The following ADIPOQ variants were observed in gnomAD, a reference collection of about 807,000 sequenced individuals.
The protein encoded by ADIPOQ is adiponectin, C1Q and collagen domain containing, also known as adiponectin.
ADIPOQ carries 19 observed loss-of-function variants against 16.1 expected under a neutral mutation model. The ratio of observed to expected loss-of-function variants is 1.18; its 90% CI spans 0.82 to 1.73. The LOEUF (loss-of-function observed/expected upper bound fraction) is 1.73. Among genes scored for constraint, ADIPOQ ranks in the 40% most tolerant of loss-of-function variants. The pLI is 0.00. For synonymous variants in ADIPOQ, 124 were observed against 125.5 expected, an observed-to-expected ratio of 0.99 and a Z score of 0.08; for missense variants, 323 against 308.3, an observed-to-expected ratio of 1.05 and a Z score of -0.36.
At chr3:186,854,090 G>A in intron 2 of ADIPOQ, 94 bp from the exon 3 acceptor site, 2 of 1,365,828 alleles carry the variant, frequency 1.5e-6, no homozygotes, top group South Asian at 1.4e-5. Context: ...CAAGAAGGTT[G>A]TGAGTGGGAG....
At position 186,856,699 on chromosome 3, in the gene ADIPOQ, C is replaced by T. The variant is rs1334583212; in HGVS notation, c.*1995C>T. On this transcript the variant is annotated 3_prime_UTR_variant, in exon 3 of 3. Transcript: ENST00000320741. Reference sequence around the variant, plus strand: ...ACTCCTGACCTTGTGATCTGCCCGCCTCCATTTTTGTTGTTATTTTTTGAG... The same window carrying T: ...ACTCCTGACCTTGTGATCTGCCCGCTTCCATTTTTGTTGTTATTTTTTGAG... The T allele has an allele frequency of 6.6e-6, 1 of 152,100 alleles. No individual in the cohort carries two copies. The highest frequency in any genetic ancestry group is 2.4e-5 in the African/African-American group (1 of 41,406). The allele number at this position is 152,100 out of a possible 1,614,324, so 9.4% of individuals were successfully genotyped here. A position where few individuals can be genotyped will look rare whatever the true frequency, so the allele number is the denominator to read the frequency against.
rs1501298 is a variant in ADIPOQ, at chr3:186,854,853, G to A, written c.*149G>A. 1,170,169 of 1,174,186 alleles carry A rather than the reference G, an allele frequency of 1. 583,189 individuals are homozygous for A. The highest frequency in any genetic ancestry group is 1 in the East Asian group (41,984 of 41,984). The allele number at this position is 1,174,186 out of a possible 1,614,324, so 72.7% of individuals were successfully genotyped here. A position where few individuals can be genotyped will look rare whatever the true frequency, so the allele number is the denominator to read the frequency against. On this transcript the variant is annotated 3_prime_UTR_variant, in exon 3 of 3. Coordinates refer to ENST00000320741, the MANE Select transcript of ADIPOQ (RefSeq NM_004797.4). ...TCATTCATTTATTCATTCATTCATC[G>A]AGTAACTTTAAAAAAATCATATGCT...
At chr3:186,843,059 G>C (rs1334132899) in intron 1 of ADIPOQ, among the ~76,000 whole-genome samples, 1 of 152,226 alleles carries the variant, frequency 6.6e-6, no homozygotes, top group Non-Finnish European at 1.5e-5. Flanking sequence ...GGAAGGGTCT[G>C]TCCACAGATG....
In ADIPOQ at chr3:186,855,518, G is replaced by A. The variant is rs200900839; in HGVS notation, c.*814G>A. The A allele has an allele frequency of 6.6e-6, 1 of 150,528 alleles. No individual in the cohort carries two copies. The highest frequency in any genetic ancestry group is 2.5e-5 in the African/African-American group (1 of 40,776). The allele number at this position is 150,528 out of a possible 1,614,324, so 9.3% of individuals were successfully genotyped here. ...CACCCAGGCTGGAGTACAGTGACACGACCTCGGCTCACTGCAGCCTCCTTC... is the reference window on the plus strand; with the variant it reads ...CACCCAGGCTGGAGTACAGTGACACAACCTCGGCTCACTGCAGCCTCCTTC... On this transcript the variant is annotated 3_prime_UTR_variant, in exon 3 of 3. Transcript: ENST00000320741.
chr3:186,854,166 G>A lies in ADIPOQ; in HGVS notation c.215-18G>A. 1 of 1,611,086 alleles carries A rather than the reference G, an allele frequency of 6.2e-7. No individual in the cohort carries two copies. The highest frequency in any genetic ancestry group is 2.2e-5 in the East Asian group (1 of 44,808). ...GAGTTCTGTTCTTTGTAGTCACTGA[G>A]GTCTTCTCATTCCTTAGGTCTTATT... On this transcript the variant is annotated intron_variant, in intron 2 of 2. Coordinates refer to ENST00000320741, the MANE Select transcript of ADIPOQ (RefSeq NM_004797.4).
At chr3:186,843,676 A>AG (rs397956338) in intron 1 of ADIPOQ, among the ~76,000 whole-genome samples, 4 of 148,322 alleles carry the variant, frequency 2.7e-5, no homozygotes, top group African/African-American at 9.8e-5. Flanking sequence ...AAAAAAAAAA[A>AG]GAAAGAAAAG....
chr3:186,853,633 C>T, intron 2 of ADIPOQ: 1 of 307,106 alleles, frequency 3.3e-6, no homozygotes, highest in Non-Finnish European at 6.2e-6. Context: ...AGGCTCAGTC[C>T]TGCCTTTGGG....
chr3:186,855,646 G>A lies in ADIPOQ; in HGVS notation c.*942G>A, dbSNP rs6796106. ...ATTTTTGTATTTTTAGTAGAAATGGGGTTTCGTCATGTTGGCCAGGCTGGT... is the reference window on the plus strand; with the variant it reads ...ATTTTTGTATTTTTAGTAGAAATGGAGTTTCGTCATGTTGGCCAGGCTGGT... On this transcript the variant is annotated 3_prime_UTR_variant, in exon 3 of 3. Transcript: ENST00000320741. 0.064 allele frequency: 9,739 copies of A among 152,178 alleles called. 904 individuals are homozygous for A. The highest frequency in any genetic ancestry group is 0.21 in the African/African-American group (8,671 of 41,470). The allele number at this position is 152,178 out of a possible 1,614,324, so 9.4% of individuals were successfully genotyped here. A position where few individuals can be genotyped will look rare whatever the true frequency, so the allele number is the denominator to read the frequency against.
chr3:186,854,237 G>A lies in ADIPOQ; in HGVS notation c.268G>A (p.Gly90Ser), dbSNP rs62625753. ...TGAAACCGGAGTACCCGGGGCTGAA[G>A]GTCCCCGAGGCTTTCCGGGAATCCA... ...IGETGVPGAE[G>S]PRGFPGIQGR... Residue 90 changes from glycine to serine, a missense_variant, in exon 3 of 3, where the codon GGT becomes AGT. Coordinates refer to ENST00000320741, the MANE Select transcript of ADIPOQ (RefSeq NM_004797.4). 5,110 of 1,613,664 alleles carry A rather than the reference G, an allele frequency of 3.2e-3. 17 individuals carry two copies. The highest frequency in any genetic ancestry group is 0.011 in the Middle Eastern group (66 of 6,054).
chr3:186,842,806 G>A, intron 1 of ADIPOQ, 57 bp downstream of exon 1: 1 of 152,678 alleles, frequency 6.5e-6, no homozygotes, highest in East Asian at 1.9e-4. Context: ...ATAGCCTCTG[G>A]CTGGGATCAC....
At chr3:186,847,660 G>A (rs1386548371) in intron 1 of ADIPOQ, among the ~76,000 whole-genome samples, 1 of 152,060 alleles carries the variant, frequency 6.6e-6, no homozygotes, top group African/African-American at 2.4e-5. Context: ...GCAGATTCCT[G>A]AGTCACTAAA....
chr3:186,857,342 G>A lies in ADIPOQ; in HGVS notation c.*2638G>A, dbSNP rs1421450973. 6.6e-6 allele frequency: 1 copy of A among 152,240 alleles called. No homozygotes were observed. The highest frequency in any genetic ancestry group is 1.5e-5 in the Non-Finnish European group (1 of 68,046). The allele number at this position is 152,240 out of a possible 1,614,324, so 9.4% of individuals were successfully genotyped here. A position where few individuals can be genotyped will look rare whatever the true frequency, so the allele number is the denominator to read the frequency against. ...AATTGGGACACTGTTATCAGAAATA[G>A]GAGAGTGGATGATAGATGCAAAATA... On this transcript the variant is annotated 3_prime_UTR_variant, in exon 3 of 3. Transcript: ENST00000320741.
Position 186,857,936 on chromosome 3 carries a change from TC to T in ADIPOQ, c.*3233del, listed in dbSNP as rs1712070498. 1.3e-5 allele frequency: 2 copies of T among 150,876 alleles called. No individual in the cohort carries two copies. Among genetic ancestry groups the T allele is most frequent in the Admixed American group, 1.3e-4 (2 of 15,156 alleles). 9.3% of individuals were successfully genotyped at this position (150,876 alleles called of 1,614,324 possible). ...TTCTTTCTTCCTTCCTTTCTTTCTC[TC>T]TCTCTCTCTTTCCTTCCTTCCTTCC... is the stretch of plus-strand genomic sequence containing the variant. On this transcript the variant is annotated 3_prime_UTR_variant, in exon 3 of 3. Coordinates refer to ENST00000320741, the MANE Select transcript of ADIPOQ (RefSeq NM_004797.4).
chr3:186,845,050 ATG>A (rs1222937995), intron 1 of ADIPOQ, among the ~76,000 whole-genome samples: 2 of 151,230 alleles, frequency 1.3e-5, no homozygotes, highest in Non-Finnish European at 3.0e-5. Context: ...GACAGTATGT[ATG>A]TGTGTGAGTG....
chr3:186,854,759 G>T lies in ADIPOQ; in HGVS notation c.*55G>T, dbSNP rs200346097. 1.2e-5 allele frequency: 19 copies of T among 1,594,154 alleles called. No homozygotes were observed. In the African/African-American group the frequency reaches 2.0e-4, roughly 17 times the overall value. The stretch of plus-strand genomic sequence containing the variant: ...CAAACAGCCCCAAAGTCAATTAAAG[G>T]CTTTCAGTACGGTTAGGAAGTTGAT... On this transcript the variant is annotated 3_prime_UTR_variant, in exon 3 of 3. Transcript: ENST00000320741.
rs1712022028 is a variant in ADIPOQ, at chr3:186,856,801, A to G, written c.*2097A>G. 6.6e-6 allele frequency: 1 copy of G among 152,164 alleles called. No individual in the cohort carries two copies. Among genetic ancestry groups the G allele is most frequent in the Non-Finnish European group, 1.5e-5 (1 of 68,020 alleles). 9.4% of individuals were successfully genotyped at this position (152,164 alleles called of 1,614,324 possible). On this transcript the variant is annotated 3_prime_UTR_variant, in exon 3 of 3. Transcript: ENST00000320741. ...TGTTAGTCAGAACTCTGTGTTGTGA[A>G]TGTCATTCACAACAGAAAACCCAAA...
Position 186,855,520 on chromosome 3 carries a change from C to G in ADIPOQ, c.*816C>G. On this transcript the variant is annotated 3_prime_UTR_variant, in exon 3 of 3. Coordinates refer to ENST00000320741, the MANE Select transcript of ADIPOQ (RefSeq NM_004797.4). The stretch of plus-strand genomic sequence containing the variant: ...CCCAGGCTGGAGTACAGTGACACGA[C>G]CTCGGCTCACTGCAGCCTCCTTCTC... 1 of 151,376 alleles carries G rather than the reference C, an allele frequency of 6.6e-6. No individual in the cohort carries two copies. The highest frequency in any genetic ancestry group is 1.9e-4 in the East Asian group (1 of 5,154). The allele number at this position is 151,376 out of a possible 1,614,324, so 9.4% of individuals were successfully genotyped here.
chr3:186,858,070 T>C lies in ADIPOQ; in HGVS notation c.*3366T>C, dbSNP rs1712077568. On this transcript the variant is annotated 3_prime_UTR_variant, in exon 3 of 3. Transcript: ENST00000320741. ...TCTTGGCTCACTGCTACCTCTACCA[T>C]GAGCAATTCTCCTGCCTCAGCCTCC... is the stretch of plus-strand genomic sequence containing the variant. 1 of 151,684 alleles carries C rather than the reference T, an allele frequency of 6.6e-6. No individual in the cohort carries two copies. 9.4% of individuals were successfully genotyped at this position (151,684 alleles called of 1,614,324 possible).
In ADIPOQ at chr3:186,854,408, A is replaced by G; in HGVS notation, c.439A>G (p.Thr147Ala). 1 of 1,614,216 alleles carries G rather than the reference A, an allele frequency of 6.2e-7. No homozygotes were observed. The stretch of plus-strand genomic sequence containing the variant: ...TCAGCAAAACCACTATGATGGCTCC[A>G]CTGGTAAATTCCACTGCAACATTCC... ...YNQQNHYDGSTGKFHCNIPGL... is the reference protein window; with the variant it reads ...YNQQNHYDGSAGKFHCNIPGL... The change falls in exon 3 of 3, where the codon ACT (threonine) becomes GCT (alanine). Residue 147 changes from threonine to alanine, a missense_variant. By Grantham distance (58) the Thr-to-Ala change is moderately conservative. Coordinates refer to ENST00000320741, the MANE Select transcript of ADIPOQ (RefSeq NM_004797.4).
Sources: allele counts gnomAD v4.1 joint callset (sites outside exome capture counted in the v4.1 genomes callset), GRCh38; gene constraint gnomAD v4.1.1; transcripts MANE v1.5; gene names NCBI Gene and HGNC (gene_info 2026-07-23, HGNC 2026-07-21).